Variants in ARHGAP1 observed in about 807,000 individuals in gnomAD.
ARHGAP1 encodes the protein rho GTPase-activating protein 1.
In ARHGAP1, 23 loss-of-function variants were observed where a neutral mutation model predicts 52.2. That is an observed-to-expected ratio of 0.44 (90% CI 0.32 to 0.62). The LOEUF (loss-of-function observed/expected upper bound fraction) is 0.62, where lower values mean the gene tolerates loss of function less well. ARHGAP1 is among the 20% of genes least tolerant of loss of function. The pLI is 0.05. For missense variants in ARHGAP1, 480 were observed against 560.9 expected, an observed-to-expected ratio of 0.86 and a Z score of 1.46; for synonymous variants, 210 against 228.4, an observed-to-expected ratio of 0.92 and a Z score of 0.73.
intron 4 of ARHGAP1, among the ~76,000 whole-genome samples, chr11:46,685,676 CTT>C (rs34418008): frequency 3.0e-4 from 34 of 112,184 alleles, no homozygotes; most frequent in Admixed American, 3.8e-4. Context: ...GCACAAGTCT[CTT>C]TTTTTTTTTT....
intron 3 of ARHGAP1, among the ~76,000 whole-genome samples, chr11:46,693,352 A>G (rs974942976): frequency 1.3e-5 from 2 of 150,408 alleles, no homozygotes; most frequent in African/African-American, 4.9e-5. Flanking sequence ...GATACCTTTC[A>G]TAGTTGCAAA....
At chr11:46,700,527 G>A (rs988756461) in intron 1 of ARHGAP1, 24 bp downstream of exon 1, 1 of 171,188 alleles carries the variant, frequency 5.8e-6, no homozygotes, top group African/African-American at 2.4e-5. Flanking sequence ...CCCACCCGGG[G>A]AGACCCCGCG....
At chr11:46,686,107 G>T (rs2064566541) in intron 4 of ARHGAP1, among the ~76,000 whole-genome samples, 1 of 151,780 alleles carries the variant, frequency 6.6e-6, no homozygotes, top group Non-Finnish European at 1.5e-5. Context: ...GAGTAGCTGG[G>T]ATTATCTTGA....
chr11:46,681,138 TG>T lies in ARHGAP1; in HGVS notation c.537-30del, dbSNP rs2064523390. On this transcript the variant is annotated intron_variant, in intron 6 of 12. Coordinates refer to ENST00000311956, the MANE Select transcript of ARHGAP1 (RefSeq NM_004308.5). The surrounding 1 kb of genome is among the most constrained non-coding windows in gnomAD (Gnocchi z 5.7). ...TTGGTGGAAGAAAGGGCCTGGGTTGTGGGGGCCCGCTTCCGGTGGCCTCCAC... is the reference window on the plus strand; with the variant it reads ...TTGGTGGAAGAAAGGGCCTGGGTTGTGGGGCCCGCTTCCGGTGGCCTCCAC... The T allele has an allele frequency of 6.2e-7, 1 of 1,602,328 alleles. No homozygotes were observed.
At chr11:46,695,617 CA>C (rs1396155766) in intron 3 of ARHGAP1, 42 bp downstream of exon 3, 2 of 1,538,160 alleles carry the variant, frequency 1.3e-6, no homozygotes, top group Admixed American at 3.9e-5. Context: ...TTCCTGAGGC[CA>C]GGAGCTCTGA....
rs1219939536 is a variant in ARHGAP1 at position 46,696,604 on chromosome 11, C to G, written c.-49-448G>C. On this transcript the variant is annotated intron_variant, in intron 1 of 12. Transcript: ENST00000311956. The surrounding 1 kb of genome is among the most constrained non-coding windows in gnomAD (Gnocchi z 4.8). Reference sequence around the variant, plus strand: ...AAGGAACATGCTGGGCACCGTGGCTCACGCCTGTAATCCCAGCACTTTGGG... The same window carrying G: ...AAGGAACATGCTGGGCACCGTGGCTGACGCCTGTAATCCCAGCACTTTGGG... 6.6e-6 allele frequency among the ~76,000 whole-genome samples: 1 copy of G among 152,244 alleles called. No homozygotes were observed. The highest frequency in any genetic ancestry group is 1.5e-5 in the Non-Finnish European group (1 of 68,042).
Position 46,680,907 on chromosome 11 carries a change from G to C in ARHGAP1, c.635+104C>G, listed in dbSNP as rs1017394282. 4.2e-5 allele frequency: 49 copies of C among 1,176,360 alleles called. No individual in the cohort carries two copies. The highest frequency in any genetic ancestry group is 5.7e-5 in the Non-Finnish European group (46 of 813,386). 72.9% of individuals were successfully genotyped at this position (1,176,360 alleles called of 1,614,324 possible). A position where few individuals can be genotyped will look rare whatever the true frequency, so the allele number is the denominator to read the frequency against. Reference sequence around the variant, plus strand: ...AGAAAGCAAAGACCTGGGAGAGGTCGGGACACGGGCTTGCTCTGCCTAAGC... The same window carrying C: ...AGAAAGCAAAGACCTGGGAGAGGTCCGGACACGGGCTTGCTCTGCCTAAGC... On this transcript the variant is annotated intron_variant, in intron 7 of 12. Transcript: ENST00000311956. This position sits in a 1 kb window ranked among gnomAD's most constrained non-coding sequence, Gnocchi z 5.9.
At chr11:46,687,319 AGGACTGGCTG>A (rs2134486068) in intron 4 of ARHGAP1, 1 of 152,292 alleles carries the variant, frequency 6.6e-6, no homozygotes, top group East Asian at 1.9e-4. Context: ...CTGGCTTGCC[AGGACTGGCTG>A]AGACTCCAAA....
chr11:46,695,933 T>C (rs995713336), intron 2 of ARHGAP1, 42 bp downstream of exon 2: 19 of 1,613,550 alleles, frequency 1.2e-5, no homozygotes, highest in Non-Finnish European at 1.6e-5. Context: ...TGCTTCCCCC[T>C]CTAAAGCGCC....
Position 46,681,275 on chromosome 11 carries a change from C to G in ARHGAP1, c.536+18G>C. ...TCCAGGCAAGCCGGGACCACCAGCC[C>G]TGCCCGTGGCCACTCACCTGATGAG... On this transcript the variant is annotated intron_variant, in intron 6 of 12. Transcript: ENST00000311956. The surrounding 1 kb of genome is among the most constrained non-coding windows in gnomAD (Gnocchi z 5.7). The G allele has an allele frequency of 6.2e-7, 1 of 1,605,186 alleles. No individual in the cohort carries two copies. The highest frequency in any genetic ancestry group is 8.5e-7 in the Non-Finnish European group (1 of 1,171,852).
chr11:46,685,558 C>T (rs1006832849), intron 4 of ARHGAP1, among the ~76,000 whole-genome samples: 10 of 152,082 alleles, frequency 6.6e-5, no homozygotes, highest in African/African-American at 2.2e-4. Context: ...AACTCCTGAC[C>T]TCGTGATCCA....
At position 46,680,767 on chromosome 11, in the gene ARHGAP1, T is replaced by G; in HGVS notation, c.636-20A>C. On this transcript the variant is annotated intron_variant, in intron 7 of 12. Transcript: ENST00000311956. The surrounding 1 kb of genome is among the most constrained non-coding windows in gnomAD (Gnocchi z 5.9). ...TCATATCTGTAGGAGTAGAGGGAGG[T>G]GGGTCAGGTCCTGCCTGGCTCTGGA... is the stretch of plus-strand genomic sequence containing the variant. 1 of 1,506,960 alleles carries G rather than the reference T, an allele frequency of 6.6e-7. No individual in the cohort carries two copies. The highest frequency in any genetic ancestry group is 8.9e-7 in the Non-Finnish European group (1 of 1,123,168). 93.3% of individuals were successfully genotyped at this position (1,506,960 alleles called of 1,614,324 possible). A position where few individuals can be genotyped will look rare whatever the true frequency, so the allele number is the denominator to read the frequency against.
Position 46,688,270 on chromosome 11 carries a change from G to A in ARHGAP1, c.230-10C>T, listed in dbSNP as rs2064586995. 3 of 1,610,892 alleles carry A rather than the reference G, an allele frequency of 1.9e-6. No individual in the cohort carries two copies. Among genetic ancestry groups the A allele is most frequent in the Admixed American group, 1.7e-5 (1 of 59,816 alleles). On this transcript the variant is annotated splice_polypyrimidine_tract_variant and intron_variant, in intron 3 of 12. Transcript: ENST00000311956. ...CCATACTTGTCATCTCCTAGGTGTGGAGAAAGATGGAGCACAGTGGGTTGA... is the reference window on the plus strand; with the variant it reads ...CCATACTTGTCATCTCCTAGGTGTGAAGAAAGATGGAGCACAGTGGGTTGA...
chr11:46,696,546 G>A lies in ARHGAP1; in HGVS notation c.-49-390C>T, dbSNP rs887280636. Reference sequence around the variant, plus strand: ...GGACACAGAAGCCTCCCAGGCTCTAGCAGTTACAGGGGTAGAAATGTTGTA... The same window carrying A: ...GGACACAGAAGCCTCCCAGGCTCTAACAGTTACAGGGGTAGAAATGTTGTA... On this transcript the variant is annotated intron_variant, in intron 1 of 12. Coordinates refer to ENST00000311956, the MANE Select transcript of ARHGAP1 (RefSeq NM_004308.5). The surrounding 1 kb of genome is among the most constrained non-coding windows in gnomAD (Gnocchi z 4.8). Among the ~76,000 whole-genome samples, 2 of 152,230 alleles carry A rather than the reference G, an allele frequency of 1.3e-5. No homozygotes were observed. Among genetic ancestry groups the A allele is most frequent in the Non-Finnish European group, 2.9e-5 (2 of 68,036 alleles).
chr11:46,692,672 T>C (rs2064622694), intron 3 of ARHGAP1, among the ~76,000 whole-genome samples: 1 of 151,952 alleles, frequency 6.6e-6, no homozygotes, highest in African/African-American at 2.4e-5. Flanking sequence ...TGATGTTATA[T>C]GACAAATATT....
rs111727910 is a variant in ARHGAP1 at position 46,696,655 on chromosome 11, G to A, written c.-49-499C>T. Among the ~76,000 whole-genome samples the A allele has an allele frequency of 5.3e-5, 8 of 152,354 alleles. No individual in the cohort carries two copies. The highest frequency in any genetic ancestry group is 7.3e-5 in the Non-Finnish European group (5 of 68,034). On this transcript the variant is annotated intron_variant, in intron 1 of 12. Coordinates refer to ENST00000311956, the MANE Select transcript of ARHGAP1 (RefSeq NM_004308.5). The surrounding 1 kb of genome is among the most constrained non-coding windows in gnomAD (Gnocchi z 4.8). The stretch of plus-strand genomic sequence containing the variant: ...AGGCCGAGGCAGGCGGATCACCTGA[G>A]GTCAGGAGTTCAAGACTAGCCTGGC...
In ARHGAP1 at chr11:46,678,130, T is replaced by A; in HGVS notation, c.*907A>T. On this transcript the variant is annotated 3_prime_UTR_variant, in exon 13 of 13. Transcript: ENST00000311956. ...AGCCATAAGATCCTGAGGCACTGAG[T>A]CACCTCTGGCTGGGGCAGGGGCCAG... The A allele has an allele frequency of 3.4e-6, 1 of 297,812 alleles. No homozygotes were observed. The highest frequency in any genetic ancestry group is 2.5e-5 in the South Asian group (1 of 39,290). The allele number at this position is 297,812 out of a possible 1,614,324, so 18.4% of individuals were successfully genotyped here.
rs577503440 is a variant in ARHGAP1, at chr11:46,696,222, G to A, written c.-49-66C>T. 25 of 1,174,716 alleles carry A rather than the reference G, an allele frequency of 2.1e-5. No homozygotes were observed. The highest frequency in any genetic ancestry group is 3.1e-5 in the African/African-American group (2 of 65,066). 72.8% of individuals were successfully genotyped at this position (1,174,716 alleles called of 1,614,324 possible). On this transcript the variant is annotated intron_variant, in intron 1 of 12. Transcript: ENST00000311956. The surrounding 1 kb of genome is among the most constrained non-coding windows in gnomAD (Gnocchi z 4.8). ...CTTTTCACCTTCTGCGACCTCCACC[G>A]CGTGCCCTCCTGCCCCCACCATTCC...
intron 3 of ARHGAP1, among the ~76,000 whole-genome samples, chr11:46,688,810 C>T (rs559060080): frequency 8.0e-5 from 12 of 150,044 alleles, no homozygotes; most frequent in South Asian, 2.2e-4. Flanking sequence ...CGGCCGGGCG[C>T]GGTGGCTCAC....
Sources: gnomAD v4.1 joint callset for allele counts (sites outside exome capture counted in the v4.1 genomes callset) on GRCh38, gnomAD v4.1.1 for gene constraint, Gnocchi (gnomAD v3.1) non-coding constraint, MANE v1.5 for transcripts, NCBI Gene and HGNC (gene_info 2026-07-23, HGNC 2026-07-21) for gene names.